Variants in PC observed in about 807,000 individuals in gnomAD.
PC encodes pyruvate carboxylase.
Under a neutral mutation model 107.8 loss-of-function variants are expected in PC, and 46 were observed. That is an observed-to-expected ratio of 0.43 (90% CI 0.34 to 0.55). PC has a LOEUF of 0.55. Ranked by LOEUF, PC falls within the 20% of genes least tolerant of loss-of-function variation. The pLI is 0.04. For synonymous variants in PC, 662 were observed against 684.7 expected (o/e 0.97, Z 0.52); for missense variants, 1,241 against 1,643.1 (o/e 0.76, Z 4.23).
rs756061375 is a variant in PC, at chr11:66,871,448, G to A, written c.354C>T (p.Tyr118=). Residue 118 remains tyrosine, a synonymous_variant, in exon 6 of 23, where the codon TAC becomes TAT. Transcript: ENST00000393960. This position sits in a 1 kb window ranked among gnomAD's most constrained non-coding sequence, Gnocchi z 7.4. The part of the protein sequence containing the change: ...ENNVDAVHPG[Y]GFLSERADFA... ...AGTCCGCTCGCTCAGAGAGGAACCC[G>A]TAGCCAGGGTGCACTGCATCTACGT... The A allele has an allele frequency of 2.7e-5, 44 of 1,613,346 alleles. No homozygotes were observed. The highest frequency in any genetic ancestry group is 1.6e-4 in the Middle Eastern group (1 of 6,084).
At chr11:66,901,323 A>G (rs1591255422) in intron 3 of PC, among the ~76,000 whole-genome samples, 1 of 152,132 alleles carries the variant, frequency 6.6e-6, no homozygotes, top group African/African-American at 2.4e-5. Flanking sequence ...GAGGCGGTGG[A>G]GAGAGAACGT....
chr11:66,913,925 T>A (rs1948405907), intron 3 of PC, among the ~76,000 whole-genome samples: 2 of 152,108 alleles, frequency 1.3e-5, no homozygotes. Context: ...GGGCCACATG[T>A]GCCCAGGCCT....
rs1187166492 is a variant in PC, at chr11:66,850,093, C to T, written c.2742G>A (p.Val914=). 2 of 1,613,758 alleles carry T rather than the reference C, an allele frequency of 1.2e-6. No homozygotes were observed. Residue 914 remains valine, a synonymous_variant, in exon 20 of 23, where the codon GTG becomes GTA. Coordinates refer to ENST00000393960, the MANE Select transcript of PC (RefSeq NM_001040716.2). ...GCACCATAAACTGGGCCAGGTCCCC[C>T]ACGATCTTGGAGGAGGGCGTCACCT... The part of the protein sequence containing the change: ...LIKVTPSSKI[V]GDLAQFMVQN...
chr11:66,896,635 T>C (rs981450915), intron 3 of PC, among the ~76,000 whole-genome samples: 1 of 152,074 alleles, frequency 6.6e-6, no homozygotes, highest in African/African-American at 2.4e-5. Flanking sequence ...TAAAGGAAAA[T>C]GAAGCCTCAC....
At position 66,858,440 on chromosome 11, in the gene PC, C is replaced by A; in HGVS notation, c.1369-5057G>T. 3 of 1,552,192 alleles carry A rather than the reference C, an allele frequency of 1.9e-6. No homozygotes were observed. Among genetic ancestry groups the A allele is most frequent in the Non-Finnish European group, 1.7e-6 (2 of 1,155,136 alleles). ...CCGCCCCCCTGGTGCTGAGCTTTAG[C>A]GGGAACCCCCTGCACTGCAACTGTG... On this transcript the variant is annotated intron_variant, in intron 12 of 22. Coordinates refer to ENST00000393960, the MANE Select transcript of PC (RefSeq NM_001040716.2). This position sits in a 1 kb window ranked among gnomAD's most constrained non-coding sequence, Gnocchi z 5.9.
chr11:66,943,006 A>T (rs1412467870), intron 3 of PC, among the ~76,000 whole-genome samples: 2 of 147,840 alleles, frequency 1.4e-5, no homozygotes, highest in African/African-American at 2.5e-5. Context: ...ACGAGAGCGA[A>T]ACTCCATCTC....
intron 3 of PC, among the ~76,000 whole-genome samples, chr11:66,892,319 T>G (rs900989005): frequency 5.9e-5 from 9 of 152,280 alleles, no homozygotes; most frequent in African/African-American, 1.9e-4. Flanking sequence ...CCCAATACAC[T>G]GACTCAGCCA....
intron 3 of PC, among the ~76,000 whole-genome samples, chr11:66,911,512 G>A (rs1294875304): frequency 6.6e-6 from 1 of 151,890 alleles, no homozygotes; most frequent in African/African-American, 2.4e-5. Flanking sequence ...GTTCGAGGCT[G>A]CAGTGAGCTA....
chr11:66,860,403 A>AC (rs1429744091), intron 12 of PC: 3 of 752,912 alleles, frequency 4.0e-6, no homozygotes, highest in African/African-American at 3.4e-5. Flanking sequence ...GCTCACAGCC[A>AC]CCGAGGCAGG....
chr11:66,923,328 CTCTAGCCTGGGAGACAGAG>C (rs1292404985), intron 3 of PC, among the ~76,000 whole-genome samples: 1 of 147,322 alleles, frequency 6.8e-6, no homozygotes, highest in African/African-American at 2.5e-5. Context: ...CGCCACTGCA[CTCTAGCCTGGGAGACAGAG>C]TCTAGCCTGG....
chr11:66,878,903 C>T lies in PC; in HGVS notation c.1-6744G>A, dbSNP rs1221760148. Among the ~76,000 whole-genome samples, 2 of 152,180 alleles carry T rather than the reference C, an allele frequency of 1.3e-5. 1 individual carries two copies. On this transcript the variant is annotated intron_variant, in intron 3 of 22. Transcript: ENST00000393960. The stretch of plus-strand genomic sequence containing the variant: ...CCCACAGTCCACTGGCCGGGGGCTG[C>T]CCCAGCTCCATGGTTTGGGCACCTC...
intron 3 of PC, among the ~76,000 whole-genome samples, chr11:66,917,046 A>G (rs1948479035): frequency 6.6e-6 from 1 of 151,912 alleles, no homozygotes; most frequent in Non-Finnish European, 1.5e-5. Context: ...CTACAAACCA[A>G]GAGCCCTCAC....
chr11:66,913,869 T>C (rs1359898883), intron 3 of PC, among the ~76,000 whole-genome samples: 2 of 151,890 alleles, frequency 1.3e-5, no homozygotes, highest in Admixed American at 6.6e-5. Flanking sequence ...GAGGAGGACC[T>C]GGAAAATTTG....
chr11:66,876,800 G>A (rs1946996953), intron 3 of PC, among the ~76,000 whole-genome samples: 1 of 152,160 alleles, frequency 6.6e-6, no homozygotes, highest in South Asian at 2.1e-4. Flanking sequence ...CTGAGCGCTG[G>A]GAAAGGCCAT....
At chr11:66,903,993 A>G (rs1222420947) in intron 3 of PC, among the ~76,000 whole-genome samples, 1 of 151,252 alleles carries the variant, frequency 6.6e-6, no homozygotes, top group Non-Finnish European at 1.5e-5. Context: ...ATGCCCAGCT[A>G]CAGACTATAA....
chr11:66,918,094 C>T (rs1187101832), intron 3 of PC, among the ~76,000 whole-genome samples: 1 of 152,180 alleles, frequency 6.6e-6, no homozygotes, highest in Non-Finnish European at 1.5e-5. Flanking sequence ...AAATAGAATC[C>T]TTTTTCCTCC....
intron 3 of PC, among the ~76,000 whole-genome samples, chr11:66,886,002 G>A (rs1258264608): frequency 2.6e-5 from 4 of 152,228 alleles, no homozygotes; most frequent in African/African-American, 9.6e-5. Context: ...GGCCACAGCG[G>A]TGGCTTTCAG....
intron 1 of PC, among the ~76,000 whole-genome samples, chr11:66,956,203 A>G (rs1469722366): frequency 6.6e-6 from 1 of 152,120 alleles, no homozygotes; most frequent in African/African-American, 2.4e-5. Flanking sequence ...TGACCAATCA[A>G]GTTTCTTACA....
rs543999437 is a variant in PC, at chr11:66,855,455, C to T, written c.1369-2072G>A. On this transcript the variant is annotated intron_variant, in intron 12 of 22. Coordinates refer to ENST00000393960, the MANE Select transcript of PC (RefSeq NM_001040716.2). ...TCATCCCAACAGACATGCGGTACCA[C>T]GCCCGGCTAATTTTTGTATTTTTAA... 7.2e-5 allele frequency among the ~76,000 whole-genome samples: 11 copies of T among 152,276 alleles called. No homozygotes were observed. In the South Asian group the frequency reaches 1.9e-3, roughly 26 times the overall value.
Sources: allele counts gnomAD v4.1 joint callset (sites outside exome capture counted in the v4.1 genomes callset), GRCh38; gene constraint gnomAD v4.1.1; non-coding constraint Gnocchi (gnomAD v3.1); transcripts MANE v1.5; gene names NCBI Gene and HGNC (gene_info 2026-07-23, HGNC 2026-07-21).